The following COL12A1 variants were observed in gnomAD, a reference collection of about 807,000 sequenced individuals.
The protein encoded by COL12A1 is collagen type XII alpha 1 chain, also known as collagen alpha-1(XII) chain.
COL12A1 carries 114 observed loss-of-function variants against 349.7 expected under a neutral mutation model. The ratio of observed to expected loss-of-function variants is 0.33; its 90% CI spans 0.28 to 0.38. The LOEUF (loss-of-function observed/expected upper bound fraction) is 0.38, where lower values mean the gene tolerates loss of function less well. Ranked by LOEUF, COL12A1 falls within the 10% of genes least tolerant of loss-of-function variation. The probability of loss-of-function intolerance (pLI) is 1.00; values close to 1 mark genes in which losing one functional copy is unlikely to be tolerated. For missense variants in COL12A1, 3,284 were observed against 3,756.9 expected (o/e 0.87, Z 3.29); for synonymous variants, 1,369 against 1,329.0 (o/e 1.03, Z -0.66).
intron 13 of COL12A1, among the ~76,000 whole-genome samples, chr6:75,168,092 A>T (rs1392918832): frequency 6.6e-6 from 1 of 152,210 alleles, no homozygotes; most frequent in Non-Finnish European, 1.5e-5. Flanking sequence ...ATAGACTCCA[A>T]AGAAAGGAGA....
intron 25 of COL12A1, among the ~76,000 whole-genome samples, chr6:75,145,030 G>A (rs1018077348): frequency 6.6e-6 from 1 of 152,068 alleles, no homozygotes; most frequent in Admixed American, 6.6e-5. Flanking sequence ...ATTGTCTTAT[G>A]CTGTACATTC....
chr6:75,145,842 G>A (rs1378766799), intron 24 of COL12A1, among the ~76,000 whole-genome samples: 3 of 151,952 alleles, frequency 2.0e-5, no homozygotes, highest in Non-Finnish European at 4.4e-5. Flanking sequence ...ATATTGGTCG[G>A]GCTAGTCTCG....
chr6:75,091,272 C>G (rs1371712699), intron 62 of COL12A1, 51 bp downstream of exon 62: 1 of 1,480,874 alleles, frequency 6.8e-7, no homozygotes. Context: ...CTGCATTTTC[C>G]TGCAATTAAT....
In COL12A1 at chr6:75,156,290, C is replaced by T. The variant is rs2149424189; in HGVS notation, c.3217G>A (p.Glu1073Lys). 5 of 1,613,892 alleles carry T rather than the reference C, an allele frequency of 3.1e-6. No homozygotes were observed. Among genetic ancestry groups the T allele is most frequent in the Non-Finnish European group, 4.2e-6 (5 of 1,179,846 alleles). The change falls in exon 15 of 66, where the codon GAA becomes AAA. Residue 1073 changes from glutamate (E) to lysine (K), a missense_variant. Physicochemically the swap from Glu to Lys is moderately conservative, Grantham distance 56. Around this residue, in one of 2 missense-constraint regions of COL12A1, gnomAD observed 2,601 missense variants for 2,824.8 expected, o/e 0.92. Coordinates refer to ENST00000322507, the MANE Select transcript of COL12A1 (RefSeq NM_004370.6). ...ITVLPIYKMG[E>K]GKLRQGSGTT... ...CCTGATCCTTGCCTAAGCTTTCCTT[C>T]TCCCATCTTGTAAATAGGAAGAACT...
Position 75,119,444 on chromosome 6 carries a change from G to A in COL12A1, c.7116C>T (p.Val2372=). ...QVSFVQYSDE[V]KSEFKLNTYN... is the part of the protein sequence containing the mutation. ...ACGTGTTCAGCTTGAACTCAGACTT[G>A]ACCTCATCGCTGTATTGCACAAATG... The change falls in exon 45 of 66, where the codon GTC becomes GTT. Residue 2372 remains valine (V), a synonymous_variant. Transcript: ENST00000322507. 1 of 1,613,638 alleles carries A rather than the reference G, an allele frequency of 6.2e-7. No individual in the cohort carries two copies. The highest frequency in any genetic ancestry group is 1.3e-5 in the African/African-American group (1 of 75,000).
intron 8 of COL12A1, among the ~76,000 whole-genome samples, chr6:75,185,980 A>G (rs1459601272): frequency 6.6e-6 from 1 of 152,234 alleles, no homozygotes; most frequent in Non-Finnish European, 1.5e-5. Context: ...GATGGATTAC[A>G]GACTTAAATG....
intron 24 of COL12A1, 94 bp downstream of exon 24, chr6:75,146,008 A>G (rs1471314712): frequency 1.0e-5 from 13 of 1,298,028 alleles, no homozygotes; most frequent in African/African-American, 1.5e-5. Context: ...ACGTAAAGTT[A>G]TAAATGAGTT....
chr6:75,156,372 G>A lies in COL12A1; in HGVS notation c.3135C>T (p.Pro1045=). 1 of 1,613,896 alleles carries A rather than the reference G, an allele frequency of 6.2e-7. No homozygotes were observed. Among genetic ancestry groups the A allele is most frequent in the Non-Finnish European group, 8.5e-7 (1 of 1,179,874 alleles). ...GCTTTAACACTGTCGAAGTGACTGT[G>A]GGGGGCACCTTAGCAACCATTTGCT... ...RGKQMVAKVP[P]TVTSTVLKRL... Residue 1045 remains proline, a synonymous_variant, in exon 15 of 66, where the codon CCC becomes CCT. Coordinates refer to ENST00000322507, the MANE Select transcript of COL12A1 (RefSeq NM_004370.6).
At position 75,142,078 on chromosome 6, in the gene COL12A1, T is replaced by C. The variant is rs2149401178; in HGVS notation, c.4911A>G (p.Val1637=). ...CTGGAGGAGACTCCCCCTCGTCATG[T>C]ACTGCAGAAACGCTGACTGTGTACA... is the stretch of plus-strand genomic sequence containing the variant. ...QTLYTVSVSA[V]HDEGESPPVT... is the part of the protein sequence containing the mutation. The change falls in exon 27 of 66, where the codon GTA becomes GTG. Residue 1637 remains valine, a synonymous_variant. Transcript: ENST00000322507. The C allele has an allele frequency of 1.2e-6, 2 of 1,614,162 alleles. No homozygotes were observed. Among genetic ancestry groups the C allele is most frequent in the Non-Finnish European group, 1.7e-6 (2 of 1,179,990 alleles).
chr6:75,129,957 C>G, intron 37 of COL12A1, 134 bp downstream of exon 37: 1 of 1,035,564 alleles, frequency 9.7e-7, no homozygotes, highest in Admixed American at 2.6e-5. Context: ...GTCCCAACGT[C>G]ATGTCAGAGA....
chr6:75,134,918 A>G, intron 31 of COL12A1, 63 bp from the exon 32 acceptor site: 2 of 1,537,398 alleles, frequency 1.3e-6, no homozygotes, highest in Non-Finnish European at 1.8e-6. Context: ...AATCTGTTAG[A>G]AAAAGCTCTT....
intron 2 of COL12A1, among the ~76,000 whole-genome samples, chr6:75,197,781 T>G (rs1770311352): frequency 6.6e-6 from 1 of 152,228 alleles, no homozygotes; most frequent in Non-Finnish European, 1.5e-5. Context: ...ACTAAAATTT[T>G]AAGTATTTTT....
chr6:75,090,000 C>A, intron 63 of COL12A1, 110 bp downstream of exon 63: 1 of 1,180,340 alleles, frequency 8.5e-7, no homozygotes, highest in Non-Finnish European at 1.2e-6. Context: ...CCAAACAAGA[C>A]CAGGGAAAGC....
At chr6:75,132,166 C>A in intron 34 of COL12A1, 84 bp from the exon 35 acceptor site, 1 of 1,481,448 alleles carries the variant, frequency 6.8e-7, no homozygotes, top group Non-Finnish European at 9.2e-7. Context: ...AACCTACATT[C>A]TGTAACAGGA....
chr6:75,159,015 A>G (rs983705063), intron 14 of COL12A1, among the ~76,000 whole-genome samples: 1 of 152,050 alleles, frequency 6.6e-6, no homozygotes, highest in African/African-American at 2.4e-5. Context: ...CACAGATCCT[A>G]GAAGTGTAGT....
intron 8 of COL12A1, among the ~76,000 whole-genome samples, chr6:75,185,816 A>T (rs1392623297): frequency 6.6e-6 from 1 of 152,188 alleles, no homozygotes; most frequent in Non-Finnish European, 1.5e-5. Flanking sequence ...GAGACTGAAC[A>T]CCTACAACCA....
intron 5 of COL12A1, among the ~76,000 whole-genome samples, chr6:75,190,704 T>C (rs1467520853): frequency 2.6e-5 from 4 of 151,920 alleles, no homozygotes; most frequent in African/African-American, 9.7e-5. Flanking sequence ...TGCAGTCAGC[T>C]GATAGGTAAT....
rs1339635339 is a variant in COL12A1, at chr6:75,188,612, A to G, written c.824-77T>C. 1.6e-5 allele frequency: 24 copies of G among 1,481,660 alleles called. No homozygotes were observed. The Admixed American group carries it at 2.0e-4, about 12-fold the overall frequency. 91.8% of individuals were successfully genotyped at this position (1,481,660 alleles called of 1,614,324 possible). ...CTTGGAGAAGTTCTTCGTTTTCTCCATCTTTCACAACTGAAGACATATTCA... is the reference window on the plus strand; with the variant it reads ...CTTGGAGAAGTTCTTCGTTTTCTCCGTCTTTCACAACTGAAGACATATTCA... On this transcript the variant is annotated intron_variant, in intron 7 of 65. Transcript: ENST00000322507.
chr6:75,103,713 C>G (rs1768414028), intron 55 of COL12A1, 44 bp downstream of exon 55: 1 of 1,566,152 alleles, frequency 6.4e-7, no homozygotes, highest in African/African-American at 1.4e-5. Context: ...AACCAGATTT[C>G]AACATATAGA....
Sources: gnomAD v4.1 joint callset for allele counts (sites outside exome capture counted in the v4.1 genomes callset) on GRCh38, gnomAD v4.1.1 for gene constraint, gnomAD v4.1.1 regional missense constraint, MANE v1.5 for transcripts, NCBI Gene and HGNC (gene_info 2026-07-23, HGNC 2026-07-21) for gene names.